The following JAZF1 variants were observed in gnomAD, a reference collection of about 807,000 sequenced individuals.
JAZF1 encodes the protein JAZF zinc finger 1, also known as juxtaposed with another zinc finger protein 1.
JAZF1 carries 8 observed loss-of-function variants against 26.4 expected under a neutral mutation model. The observed-to-expected ratio is 0.30, with a 90% CI of 0.18 to 0.55. The LOEUF (loss-of-function observed/expected upper bound fraction) is 0.55. Among genes scored for constraint, JAZF1 ranks in the 20% least tolerant of loss-of-function variants. The probability of loss-of-function intolerance (pLI) is 0.94; values close to 1 mark genes in which losing one functional copy is unlikely to be tolerated. For missense variants in JAZF1, 199 were observed against 322.0 expected, an observed-to-expected ratio of 0.62 and a Z score of 2.92; for synonymous variants, 126 against 122.3, an observed-to-expected ratio of 1.03 and a Z score of -0.20.
chr7:27,883,787 A>C (rs1783811595), intron 3 of JAZF1, among the ~76,000 whole-genome samples: 1 of 152,232 alleles, frequency 6.6e-6, no homozygotes, highest in African/African-American at 2.4e-5. Context: ...CACTGGACTG[A>C]GAGTTTGGCA....
chr7:28,040,298 A>G (rs192211476), intron 1 of JAZF1, among the ~76,000 whole-genome samples: 67 of 152,336 alleles, frequency 4.4e-4, no homozygotes, highest in African/African-American at 1.5e-3. Context: ...TGTGCCAGGC[A>G]GATACTGCTC....
At chr7:28,175,156 C>A (rs555378710) in intron 1 of JAZF1, among the ~76,000 whole-genome samples, 4 of 152,320 alleles carry the variant, frequency 2.6e-5, no homozygotes, top group Admixed American at 2.0e-4. Flanking sequence ...CTTTCCCAGT[C>A]CACTGTGGCA....
intron 3 of JAZF1, chr7:27,846,386 T>C (rs1783031511): frequency 1.6e-5 from 4 of 254,158 alleles, no homozygotes; most frequent in Admixed American, 3.7e-5. Context: ...CATGTACGTA[T>C]ATATACATAT....
At chr7:28,084,657 C>T (rs535716607) in intron 1 of JAZF1, among the ~76,000 whole-genome samples, 12 of 152,330 alleles carry the variant, frequency 7.9e-5, no homozygotes, top group South Asian at 6.2e-4. Flanking sequence ...CACCCCACAG[C>T]GGGCAAGCAG....
chr7:27,866,760 C>T (rs992721186), intron 3 of JAZF1, among the ~76,000 whole-genome samples: 2 of 152,230 alleles, frequency 1.3e-5, no homozygotes, highest in African/African-American at 2.4e-5. Flanking sequence ...CATACTGCTT[C>T]CTAACGGTGT....
At chr7:27,910,628 C>A (rs934410567) in intron 2 of JAZF1, among the ~76,000 whole-genome samples, 3 of 152,176 alleles carry the variant, frequency 2.0e-5, no homozygotes, top group Non-Finnish European at 2.9e-5. Flanking sequence ...CCTGATTATC[C>A]CAAATCCCTA....
chr7:27,835,910 A>G (rs1388027314), intron 4 of JAZF1, among the ~76,000 whole-genome samples: 1 of 152,246 alleles, frequency 6.6e-6, no homozygotes, highest in Non-Finnish European at 1.5e-5. Flanking sequence ...TCAAGCTTCA[A>G]AAGGGCAAGG....
intron 2 of JAZF1, among the ~76,000 whole-genome samples, chr7:27,991,590 A>G (rs1477399028): frequency 4.3e-4 from 66 of 152,204 alleles, no homozygotes; most frequent in Non-Finnish European, 1.5e-5. Flanking sequence ...AGGATTTAAA[A>G]GGTTCACTCG....
chr7:28,104,714 G>A (rs1438246413), intron 1 of JAZF1, among the ~76,000 whole-genome samples: 2 of 152,136 alleles, frequency 1.3e-5, no homozygotes, highest in African/African-American at 4.8e-5. Context: ...TTAGGATTCT[G>A]GAACGTATTA....
chr7:27,991,094 T>C (rs1275154855), intron 2 of JAZF1, among the ~76,000 whole-genome samples: 1 of 152,180 alleles, frequency 6.6e-6, no homozygotes. Flanking sequence ...ATTCCCAGCT[T>C]TCCACTTCAG....
chr7:28,125,684 G>A (rs1782681890), intron 1 of JAZF1, among the ~76,000 whole-genome samples: 1 of 152,034 alleles, frequency 6.6e-6, no homozygotes, highest in African/African-American at 2.4e-5. Flanking sequence ...ATATTCCCTT[G>A]GAAGGACTGC....
rs543895821 is a variant in JAZF1, at chr7:27,937,032, T to G, written c.189-41616A>C. On this transcript the variant is annotated intron_variant, in intron 2 of 4. Transcript: ENST00000283928. ...CTCTATTTGTTTCTCTAAATAAGCATTGTACTCATCCTTAGATTTTCTTGT... is the reference window on the plus strand; with the variant it reads ...CTCTATTTGTTTCTCTAAATAAGCAGTGTACTCATCCTTAGATTTTCTTGT... Among the ~76,000 whole-genome samples, 3 of 152,358 alleles carry G rather than the reference T, an allele frequency of 2.0e-5. No individual in the cohort carries two copies. In the East Asian group the frequency reaches 5.8e-4, roughly 29 times the overall value.
At chr7:27,969,070 C>T (rs1785326794) in intron 2 of JAZF1, among the ~76,000 whole-genome samples, 1 of 152,158 alleles carries the variant, frequency 6.6e-6, no homozygotes, top group Non-Finnish European at 1.5e-5. Context: ...TTTCTGCTAA[C>T]CTTAGTCTGG....
chr7:28,109,367 C>T (rs1403989413), intron 1 of JAZF1, among the ~76,000 whole-genome samples: 2 of 151,924 alleles, frequency 1.3e-5, no homozygotes, highest in Admixed American at 6.6e-5. Context: ...CTCAATAAAG[C>T]GGGGAAAAAT....
At chr7:28,160,211 G>A (rs1783262520) in intron 1 of JAZF1, among the ~76,000 whole-genome samples, 4 of 152,048 alleles carry the variant, frequency 2.6e-5, no homozygotes. Context: ...AAAGGCTCCA[G>A]GATATGGGGG....
At chr7:27,955,562 A>C (rs1785074295) in intron 2 of JAZF1, among the ~76,000 whole-genome samples, 1 of 152,194 alleles carries the variant, frequency 6.6e-6, no homozygotes, top group Admixed American at 6.5e-5. Flanking sequence ...GTGAGTCAAT[A>C]ACAAATCGTT....
chr7:27,906,676 G>A (rs1784263771), intron 2 of JAZF1, among the ~76,000 whole-genome samples: 1 of 152,150 alleles, frequency 6.6e-6, no homozygotes, highest in African/African-American at 2.4e-5. Context: ...TTGATGCCAA[G>A]AATAAAAAAC....
intron 1 of JAZF1, among the ~76,000 whole-genome samples, chr7:28,002,033 T>C (rs764588885): frequency 2.0e-5 from 3 of 152,032 alleles, no homozygotes; most frequent in African/African-American, 7.3e-5. Flanking sequence ...AAAGGGGAGA[T>C]AAAAGACTCA....
At chr7:28,154,360 G>A (rs1783150182) in intron 1 of JAZF1, among the ~76,000 whole-genome samples, 1 of 152,130 alleles carries the variant, frequency 6.6e-6, no homozygotes. Context: ...AGTCTCCAAT[G>A]GGTAGAGCAG....
Sources: gnomAD v4.1 joint callset for allele counts (sites outside exome capture counted in the v4.1 genomes callset) on GRCh38, gnomAD v4.1.1 for gene constraint, MANE v1.5 for transcripts, NCBI Gene and HGNC (gene_info 2026-07-23, HGNC 2026-07-21) for gene names.